Variants in GTF3C1 observed in about 807,000 individuals in gnomAD.
GTF3C1 encodes the protein general transcription factor IIIC subunit 1.
Under a neutral mutation model 226.7 loss-of-function variants are expected in GTF3C1, and 57 were observed. The observed-to-expected ratio is 0.25, with a 90% CI of 0.20 to 0.31. The LOEUF (loss-of-function observed/expected upper bound fraction) is 0.31, where lower values mean the gene tolerates loss of function less well. Among genes scored for constraint, GTF3C1 ranks in the 10% least tolerant of loss-of-function variants. GTF3C1 has a pLI of 1.00. For missense variants in GTF3C1, 2,217 were observed against 2,776.1 expected (o/e 0.80, Z 4.53); for synonymous variants, 1,090 against 1,084.8 (o/e 1.00, Z -0.09).
At chr16:27,506,444 GT>G (rs1455998491) in intron 9 of GTF3C1, among the ~76,000 whole-genome samples, 1 of 152,102 alleles carries the variant, frequency 6.6e-6, no homozygotes, top group Non-Finnish European at 1.5e-5. Context: ...ATTTAACGAT[GT>G]CCCCAGGGGG....
rs777054416 is a variant in GTF3C1, at chr16:27,464,662, C to T, written c.5530G>A (p.Asp1844Asn). ...GGTGCCTGCCCCTCGGGGGGGCTGT[C>T]CTCACTGGAAGACCCCTCCAGGGGT... is the stretch of plus-strand genomic sequence containing the variant. The part of the protein sequence containing the change: ...ARPLEGSSSE[D>N]SPPEGQAPPS... Residue 1844 changes from aspartate (D) to asparagine (N), a missense_variant, in exon 34 of 37, where the codon GAC becomes AAC. By Grantham distance (23) the Asp-to-Asn change is conservative. Transcript: ENST00000356183. 31 of 1,543,010 alleles carry T rather than the reference C, an allele frequency of 2.0e-5. No homozygotes were observed. The highest frequency in any genetic ancestry group is 2.4e-5 in the Non-Finnish European group (28 of 1,151,542).
At chr16:27,516,778 A>G (rs1032283224) in intron 6 of GTF3C1, among the ~76,000 whole-genome samples, 2 of 152,184 alleles carry the variant, frequency 1.3e-5, no homozygotes, top group African/African-American at 4.8e-5. Context: ...GACTACAGAC[A>G]TACACCACCA....
rs751213958 is a variant in GTF3C1 at position 27,465,322 on chromosome 16, G to A, written c.5293C>T (p.Arg1765Trp). ...FGIDKEELRR[R>W]FSALEKAGGG... ...CCTGCCTTCTCCAAGGCCGAGAACC[G>A]TCTGCGCAGCTCCTCCTTGTCAATC... Residue 1765 changes from arginine to tryptophan, a missense_variant, in exon 33 of 37, where the codon CGG becomes TGG. Coordinates refer to ENST00000356183, the MANE Select transcript of GTF3C1 (RefSeq NM_001520.4). The A allele has an allele frequency of 3.2e-5, 51 of 1,613,968 alleles. No individual in the cohort carries two copies. Among genetic ancestry groups the A allele is most frequent in the East Asian group, 6.7e-5 (3 of 44,894 alleles).
intron 5 of GTF3C1, among the ~76,000 whole-genome samples, chr16:27,531,733 C>A (rs2088920051): frequency 1.3e-5 from 2 of 152,222 alleles, no homozygotes; most frequent in Non-Finnish European, 2.9e-5. Flanking sequence ...TGTCTCCCTG[C>A]CCCCGAGTGA....
At chr16:27,523,820 G>A (rs892912622) in intron 6 of GTF3C1, among the ~76,000 whole-genome samples, 2 of 152,156 alleles carry the variant, frequency 1.3e-5, no homozygotes, top group South Asian at 2.1e-4. Flanking sequence ...GTTTCCAGCC[G>A]CAGCAGCAGA....
At position 27,537,852 on chromosome 16, in the gene GTF3C1, C is replaced by G. The variant is rs540729103; in HGVS notation, c.684G>C (p.Val228=). 20 of 1,612,554 alleles carry G rather than the reference C, an allele frequency of 1.2e-5. No homozygotes were observed. Among genetic ancestry groups the G allele is most frequent in the African/African-American group, 8.0e-5 (6 of 74,998 alleles). ...GCTGGGCTCCAGTGGGTAATCGGATCACATGGGACTGCATTGTAATCAGCC... is the reference window on the plus strand; with the variant it reads ...GCTGGGCTCCAGTGGGTAATCGGATGACATGGGACTGCATTGTAATCAGCC... ...KNGLITMQSH[V]IRLPTGAQQH... is the part of the protein sequence containing the mutation. The change falls in exon 4 of 37, where the codon GTG becomes GTC. Residue 228 remains valine (V), a synonymous_variant. Coordinates refer to ENST00000356183, the MANE Select transcript of GTF3C1 (RefSeq NM_001520.4).
At chr16:27,472,448 C>T (rs1335049300) in intron 29 of GTF3C1, among the ~76,000 whole-genome samples, 1 of 152,194 alleles carries the variant, frequency 6.6e-6, no homozygotes, top group Non-Finnish European at 1.5e-5. Flanking sequence ...GACCATTCTC[C>T]ACAGCAGCCA....
intron 2 of GTF3C1, among the ~76,000 whole-genome samples, chr16:27,541,631 G>T (rs2089084638): frequency 1.3e-5 from 2 of 152,212 alleles, no homozygotes; most frequent in Non-Finnish European, 2.9e-5. Flanking sequence ...AGAGGAGTCA[G>T]GTTGAAGTCT....
At chr16:27,539,216 C>T (rs372849272) in intron 2 of GTF3C1, among the ~76,000 whole-genome samples, 4 of 152,114 alleles carry the variant, frequency 2.6e-5, no homozygotes, top group Admixed American at 6.5e-5. Flanking sequence ...AAGCACTGAA[C>T]GGTGCAATCA....
chr16:27,527,515 CCTT>C (rs1201006727), intron 6 of GTF3C1, among the ~76,000 whole-genome samples: 11 of 152,104 alleles, frequency 7.2e-5, no homozygotes, highest in African/African-American at 2.2e-4. Flanking sequence ...ATAGTATGCT[CCTT>C]AAGTTAACTT....
intron 6 of GTF3C1, among the ~76,000 whole-genome samples, chr16:27,518,036 G>A (rs2088687308): frequency 6.6e-6 from 1 of 152,208 alleles, no homozygotes; most frequent in African/African-American, 2.4e-5. Context: ...GCTCTCAACT[G>A]TGATCAACCC....
rs529293986 is a variant in GTF3C1, at chr16:27,482,636, C to T, written c.4083+408G>A. 34 of 458,080 alleles carry T rather than the reference C, an allele frequency of 7.4e-5. No individual in the cohort carries two copies. The East Asian group carries it at 8.3e-4, about 11-fold the overall frequency. 28.4% of individuals were successfully genotyped at this position (458,080 alleles called of 1,614,324 possible). ...AATGAAAGATGAGCAGCCTCTGAGGCGAAGGGCAGGAGTCTGGGTCAGCAG... is the reference window on the plus strand; with the variant it reads ...AATGAAAGATGAGCAGCCTCTGAGGTGAAGGGCAGGAGTCTGGGTCAGCAG... On this transcript the variant is annotated intron_variant, in intron 26 of 36. Transcript: ENST00000356183.
chr16:27,494,997 G>A (rs1450820668), intron 15 of GTF3C1, 89 bp from the exon 16 acceptor site: 3 of 1,180,250 alleles, frequency 2.5e-6, no homozygotes, highest in Admixed American at 3.9e-5. Flanking sequence ...GGAGGTCTTG[G>A]TGTCTTTACC....
At chr16:27,495,583 G>C in intron 14 of GTF3C1, 91 bp from the exon 15 acceptor site, 1 of 1,176,372 alleles carries the variant, frequency 8.5e-7, no homozygotes. Context: ...GCCACTATGT[G>C]CCAGGGGCCA....
chr16:27,534,739 T>C (rs894372129), intron 4 of GTF3C1, among the ~76,000 whole-genome samples: 4 of 152,218 alleles, frequency 2.6e-5, no homozygotes, highest in Non-Finnish European at 4.4e-5. Context: ...CAATGGATAG[T>C]ATGACCCAAT....
intron 12 of GTF3C1, among the ~76,000 whole-genome samples, chr16:27,499,161 T>C (rs1481198299): frequency 6.6e-6 from 1 of 152,256 alleles, no homozygotes; most frequent in Non-Finnish European, 1.5e-5. Flanking sequence ...CTTTCATTAA[T>C]CTACCCTTGC....
chr16:27,508,730 T>C, intron 7 of GTF3C1, 75 bp from the exon 8 acceptor site: 1 of 1,015,054 alleles, frequency 9.9e-7, no homozygotes, highest in Non-Finnish European at 1.5e-6. Context: ...CCAGCCCACT[T>C]TTTCAGCAGA....
chr16:27,473,047 C>A (rs1471317568), intron 29 of GTF3C1, among the ~76,000 whole-genome samples: 2 of 152,150 alleles, frequency 1.3e-5, no homozygotes, highest in Non-Finnish European at 2.9e-5. Context: ...TCCTGGGTAG[C>A]CGGGACTACA....
chr16:27,530,942 C>G (rs2088906600), intron 5 of GTF3C1, among the ~76,000 whole-genome samples: 1 of 152,190 alleles, frequency 6.6e-6, no homozygotes, highest in African/African-American at 2.4e-5. Context: ...AGGCACTCAC[C>G]ACGTCCTGTT....
Sources: allele counts gnomAD v4.1 joint callset (sites outside exome capture counted in the v4.1 genomes callset), GRCh38; gene constraint gnomAD v4.1.1; transcripts MANE v1.5; gene names NCBI Gene and HGNC (gene_info 2026-07-23, HGNC 2026-07-21).